CHST8: variants seen among roughly 807,000 people sequenced by gnomAD.
CHST8 encodes carbohydrate sulfotransferase 8, also known as GALNAC-4-ST1.
Under a neutral mutation model 15.0 loss-of-function variants are expected in CHST8, and 10 were observed. The ratio of observed to expected loss-of-function variants is 0.67; its 90% CI spans 0.41 to 1.13. CHST8 has a LOEUF of 1.13. Among genes scored for constraint, CHST8 ranks in the 50% most tolerant of loss-of-function variants. CHST8 has a pLI of 0.00. For missense variants in CHST8, 634 were observed against 608.2 expected (o/e 1.04, Z -0.45); for synonymous variants, 259 against 256.6 (o/e 1.01, Z -0.09).
At position 33,765,916 on chromosome 19, in the gene CHST8, A is replaced by G. The variant is rs981191170; in HGVS notation, c.131-5497A>G. 2.6e-5 allele frequency among the ~76,000 whole-genome samples: 4 copies of G among 152,092 alleles called. 1 individual carries two copies. The highest frequency in any genetic ancestry group is 1.3e-4 in the Admixed American group (2 of 15,274). Reference sequence around the variant, plus strand: ...AAAATGTGTAGCCTTTGAGTAGAGGAAATGACCTTCCACAATGTGGGTGGG... The same window carrying G: ...AAAATGTGTAGCCTTTGAGTAGAGGGAATGACCTTCCACAATGTGGGTGGG... On this transcript the variant is annotated intron_variant, in intron 3 of 4. Transcript: ENST00000650847.
intron 3 of CHST8, among the ~76,000 whole-genome samples, chr19:33,701,144 C>T (rs1268608544): frequency 1.3e-5 from 2 of 152,138 alleles, no homozygotes; most frequent in Non-Finnish European, 2.9e-5. Flanking sequence ...ACTGTGGACC[C>T]TGTCTCTGCA....
chr19:33,722,266 GATGA>G (rs1973814189), intron 3 of CHST8, among the ~76,000 whole-genome samples: 1 of 151,484 alleles, frequency 6.6e-6, no homozygotes, highest in African/African-American at 2.4e-5. Flanking sequence ...GGGAGTGATA[GATGA>G]ATGGATGGAT....
At chr19:33,711,167 T>C (rs542390515) in intron 3 of CHST8, among the ~76,000 whole-genome samples, 2 of 152,046 alleles carry the variant, frequency 1.3e-5, no homozygotes, top group Non-Finnish European at 2.9e-5. Flanking sequence ...CCACCATGCC[T>C]GGCCCAAACT....
At chr19:33,770,440 A>T (rs1045310814) in intron 3 of CHST8, among the ~76,000 whole-genome samples, 4 of 152,216 alleles carry the variant, frequency 2.6e-5, no homozygotes, top group African/African-American at 9.6e-5. Flanking sequence ...AGAGCCCCTG[A>T]TTCCTCGGTG....
At chr19:33,724,476 G>T (rs187047734) in intron 3 of CHST8, among the ~76,000 whole-genome samples, 1 of 151,122 alleles carries the variant, frequency 6.6e-6, no homozygotes, top group Non-Finnish European at 1.5e-5. Flanking sequence ...GTGTGGCTGC[G>T]GGGCTGGCAG....
At chr19:33,683,918 A>G (rs1972931397) in intron 2 of CHST8, among the ~76,000 whole-genome samples, 1 of 152,222 alleles carries the variant, frequency 6.6e-6, no homozygotes, top group Non-Finnish European at 1.5e-5. Flanking sequence ...GAGGAGGAGC[A>G]GGGGACTCAG....
intron 1 of CHST8, among the ~76,000 whole-genome samples, chr19:33,666,664 T>A (rs1461295976): frequency 6.6e-6 from 1 of 152,086 alleles, no homozygotes; most frequent in African/African-American, 2.4e-5. Context: ...AAGATAGACT[T>A]AATTAGAGAG....
At chr19:33,688,379 G>T (rs975640505) in intron 2 of CHST8, among the ~76,000 whole-genome samples, 1 of 152,198 alleles carries the variant, frequency 6.6e-6, no homozygotes, top group Non-Finnish European at 1.5e-5. Flanking sequence ...GGCTGGAGCA[G>T]TTAGTGCCCA....
chr19:33,625,637 G>A (rs913401395), intron 1 of CHST8, among the ~76,000 whole-genome samples: 21 of 152,196 alleles, frequency 1.4e-4, no homozygotes, highest in African/African-American at 4.8e-4. Context: ...CGAGGTGGGT[G>A]GATCACTTGA....
rs758863680 is a variant in CHST8 at position 33,773,070 on chromosome 19, C to A, written c.*7C>A. ...CTTTGCAGATCTGTACTGAGGGGCG[C>A]CGCAGCTGGCCGGGGCCGCCCTGCC... is the stretch of plus-strand genomic sequence containing the variant. On this transcript the variant is annotated 3_prime_UTR_variant, in exon 5 of 5. Transcript: ENST00000650847. The A allele has an allele frequency of 8.9e-5, 141 of 1,579,824 alleles. No homozygotes were observed. Among genetic ancestry groups the A allele is most frequent in the Non-Finnish European group, 1.2e-4 (136 of 1,165,342 alleles).
At chr19:33,662,222 C>T (rs1031031696) in intron 1 of CHST8, among the ~76,000 whole-genome samples, 9 of 152,092 alleles carry the variant, frequency 5.9e-5, no homozygotes, top group African/African-American at 1.4e-4. Flanking sequence ...GGGACTAAGA[C>T]GCGCGCCACC....
intron 2 of CHST8, among the ~76,000 whole-genome samples, chr19:33,674,311 C>T (rs1972781933): frequency 6.6e-6 from 1 of 152,180 alleles, no homozygotes; most frequent in Admixed American, 6.5e-5. Context: ...CTGCTACTTC[C>T]CCCAGTCCCA....
chr19:33,703,611 G>A (rs1973387480), intron 3 of CHST8, among the ~76,000 whole-genome samples: 1 of 152,234 alleles, frequency 6.6e-6, no homozygotes, highest in Non-Finnish European at 1.5e-5. Context: ...TGCCGGTGGG[G>A]TTATCCCGCT....
At chr19:33,765,508 A>C (rs533333012) in intron 3 of CHST8, among the ~76,000 whole-genome samples, 98 of 118,170 alleles carry the variant, frequency 8.3e-4, no homozygotes, top group African/African-American at 3.1e-3. Flanking sequence ...GACAAATGCC[A>C]GTCTTTGTGT....
chr19:33,663,741 G>T (rs989462411), intron 1 of CHST8, among the ~76,000 whole-genome samples: 1 of 152,100 alleles, frequency 6.6e-6, no homozygotes, highest in Non-Finnish European at 1.5e-5. Context: ...ATGGTGGCAG[G>T]TGCCTGTAAT....
intron 3 of CHST8, among the ~76,000 whole-genome samples, chr19:33,735,211 G>T (rs1479196911): frequency 1.3e-5 from 2 of 152,204 alleles, no homozygotes; most frequent in African/African-American, 4.8e-5. Flanking sequence ...TCCCCAGCTG[G>T]CTCACAGCTT....
chr19:33,731,123 C>A (rs1254662800), intron 3 of CHST8, among the ~76,000 whole-genome samples: 1 of 152,212 alleles, frequency 6.6e-6, no homozygotes, highest in African/African-American at 2.4e-5. Flanking sequence ...CACCCAGGAA[C>A]AATGCTTTGC....
intron 1 of CHST8, among the ~76,000 whole-genome samples, chr19:33,648,217 T>G (rs776702859): frequency 5.3e-5 from 8 of 152,162 alleles, no homozygotes; most frequent in Non-Finnish European, 8.8e-5. Flanking sequence ...TGTTTCTCTC[T>G]CTGTTAACAG....
chr19:33,761,976 C>A (rs1015487408), intron 3 of CHST8, among the ~76,000 whole-genome samples: 5 of 152,234 alleles, frequency 3.3e-5, no homozygotes, highest in Middle Eastern at 3.2e-3. Context: ...ACACTCCCCA[C>A]CCAGGGCACG....
Sources: allele counts gnomAD v4.1 joint callset (sites outside exome capture counted in the v4.1 genomes callset), GRCh38; gene constraint gnomAD v4.1.1; transcripts MANE v1.5; gene names NCBI Gene and HGNC (gene_info 2026-07-23, HGNC 2026-07-21).